The following TAF4 variants were observed in gnomAD, a reference collection of about 807,000 sequenced individuals.
TAF4 encodes transcription initiation factor TFIID subunit 4.
TAF4 carries 9 observed loss-of-function variants against 90.3 expected under a neutral mutation model. The observed-to-expected ratio is 0.10, with a 90% CI of 0.06 to 0.17. The LOEUF (loss-of-function observed/expected upper bound fraction) is 0.17. Among genes scored for constraint, TAF4 ranks in the 10% least tolerant of loss-of-function variants. TAF4 has a pLI of 1.00. For synonymous variants in TAF4, 818 were observed against 638.9 expected, an observed-to-expected ratio of 1.28 and a Z score of -4.23; for missense variants, 1,351 against 1,370.7, an observed-to-expected ratio of 0.99 and a Z score of 0.23.
intron 1 of TAF4, among the ~76,000 whole-genome samples, chr20:62,026,454 G>GA (rs1388454112): frequency 6.6e-6 from 1 of 152,142 alleles, no homozygotes; most frequent in Non-Finnish European, 1.5e-5. Context: ...TCAAGTCTCT[G>GA]AAAAATAACA....
At chr20:62,031,724 G>C (rs930655144) in intron 1 of TAF4, among the ~76,000 whole-genome samples, 1 of 151,906 alleles carries the variant, frequency 6.6e-6, no homozygotes, top group Admixed American at 6.6e-5. Context: ...CTTAGTCACC[G>C]TAAGTTCTTA....
At chr20:62,026,367 G>A (rs946412910) in intron 1 of TAF4, among the ~76,000 whole-genome samples, 1 of 152,194 alleles carries the variant, frequency 6.6e-6, no homozygotes, top group Non-Finnish European at 1.5e-5. Context: ...TTTTAACAGA[G>A]TATCTCACTG....
In TAF4 at chr20:62,064,918, G is replaced by T. The variant is rs1194605317; in HGVS notation, c.893C>A (p.Pro298Gln). 3.3e-5 allele frequency: 21 copies of T among 635,858 alleles called. No individual in the cohort carries two copies. In the South Asian group the frequency reaches 1.1e-3, roughly 33 times the overall value. The allele number at this position is 635,858 out of a possible 1,614,324, so 39.4% of individuals were successfully genotyped here. ...CCCGTTCTGGGCGGCGGCGGGGGGCGGCACGGCGGGCGCGGCGGTCGGGGG... is the reference window on the plus strand; with the variant it reads ...CCCGTTCTGGGCGGCGGCGGGGGGCTGCACGGCGGGCGCGGCGGTCGGGGG... ...AGPPTAAPAV[P>Q]PPAAAQNGGS... The change falls in exon 1 of 15, where the codon CCG (proline) becomes CAG (glutamine). Residue 298 changes from proline (P) to glutamine (Q), a missense_variant. Physicochemically the swap from Pro to Gln is moderately conservative, Grantham distance 76 (BLOSUM62 -1). This residue lies in a region of TAF4 where 782 missense variants were observed against 536.6 expected (regional missense o/e 1.46). Coordinates refer to ENST00000252996, the MANE Select transcript of TAF4 (RefSeq NM_003185.4).
rs890791197 is a variant in TAF4 at position 61,978,743 on chromosome 20, C to T, written c.3091-2408G>A. 5.3e-5 allele frequency among the ~76,000 whole-genome samples: 8 copies of T among 152,176 alleles called. 1 individual carries two copies. The highest frequency in any genetic ancestry group is 1.2e-4 in the Non-Finnish European group (8 of 68,024). On this transcript the variant is annotated intron_variant, in intron 14 of 14. Transcript: ENST00000252996. ...CGAGACCAACCAAGGCCAGACGGTGCCTCCTTGGGGCTGAGGCCACCCCCA... is the reference window on the plus strand; with the variant it reads ...CGAGACCAACCAAGGCCAGACGGTGTCTCCTTGGGGCTGAGGCCACCCCCA...
At chr20:62,025,562 C>T (rs6121871) in intron 1 of TAF4, among the ~76,000 whole-genome samples, 10,441 of 152,226 alleles carry the variant, frequency 0.069, 494 homozygotes, top group Non-Finnish European at 0.1. Context: ...TGAGTTCTCA[C>T]GACATCTGGT....
intron 14 of TAF4, among the ~76,000 whole-genome samples, chr20:61,988,038 G>A (rs958512650): frequency 3.9e-5 from 6 of 152,198 alleles, no homozygotes; most frequent in Non-Finnish European, 8.8e-5. Context: ...AATAAGATCC[G>A]TGGACCAGGG....
Position 62,065,131 on chromosome 20 carries a change from G to C in TAF4, c.680C>G (p.Pro227Arg), listed in dbSNP as rs527409295. Residue 227 changes from proline (P) to arginine (R), a missense_variant, in exon 1 of 15, where the codon CCG becomes CGG. By Grantham distance (103) the Pro-to-Arg change is moderately radical. Coordinates refer to ENST00000252996, the MANE Select transcript of TAF4 (RefSeq NM_003185.4). Reference protein sequence around the residue: ...LVNNGPAALLPLPKPAAPGTV... With the variant: ...LVNNGPAALLRLPKPAAPGTV... ...GCCGGGGGCGGCGGGCTTGGGCAGC[G>C]GCAGCAGCGCGGCGGGCCCGTTGTT... 8.5e-7 allele frequency: 1 copy of C among 1,174,182 alleles called. No homozygotes were observed. The allele number at this position is 1,174,182 out of a possible 1,614,324, so 72.7% of individuals were successfully genotyped here. A position where few individuals can be genotyped will look rare whatever the true frequency, so the allele number is the denominator to read the frequency against.
chr20:62,012,606 AAAAG>A, intron 3 of TAF4: 36 of 616,168 alleles, frequency 5.8e-5, no homozygotes, highest in South Asian at 2.1e-4. Flanking sequence ...GTGACTAAAA[AAAAG>A]AAAAAAGAAA....
At chr20:61,986,399 T>TCAAAGGAAACACCATCCCCAAC (rs1568922488) in intron 14 of TAF4, among the ~76,000 whole-genome samples, 4 of 65,550 alleles carry the variant, frequency 6.1e-5, no homozygotes, top group Admixed American at 1.5e-4. Flanking sequence ...CCATCCCCAA[T>TCAAAGGAAACACCATCCCCAAC]CAAAGGAAAC....
chr20:62,059,875 G>A (rs772818635), intron 1 of TAF4, among the ~76,000 whole-genome samples: 1 of 152,216 alleles, frequency 6.6e-6, no homozygotes, highest in Non-Finnish European at 1.5e-5. Context: ...TGCTAATTAT[G>A]CTTTGATCAA....
At chr20:62,015,342 GA>G (rs2055806531) in intron 1 of TAF4, among the ~76,000 whole-genome samples, 1 of 152,232 alleles carries the variant, frequency 6.6e-6, no homozygotes, top group African/African-American at 2.4e-5. Flanking sequence ...TAAACCACAG[GA>G]AAGCAAATCC....
At chr20:62,002,011 G>A (rs973493321) in intron 9 of TAF4, among the ~76,000 whole-genome samples, 20 of 152,176 alleles carry the variant, frequency 1.3e-4, no homozygotes, top group Non-Finnish European at 2.1e-4. Flanking sequence ...CATGCCTGCC[G>A]ACACACTGAA....
chr20:62,063,265 C>T (rs1346198580), intron 1 of TAF4, among the ~76,000 whole-genome samples: 1 of 152,222 alleles, frequency 6.6e-6, no homozygotes, highest in African/African-American at 2.4e-5. Context: ...AATCCTTTCA[C>T]TTCTGAAGAT....
intron 2 of TAF4, 84 bp downstream of exon 2, chr20:62,014,463 G>T: frequency 7.6e-6 from 11 of 1,454,180 alleles, no homozygotes; most frequent in Non-Finnish European, 1.0e-5. Context: ...GGCTGTGCCT[G>T]GCCCTTGCAG....
At chr20:62,053,085 TGAG>T (rs1445331213) in intron 1 of TAF4, among the ~76,000 whole-genome samples, 1 of 152,036 alleles carries the variant, frequency 6.6e-6, no homozygotes, top group Non-Finnish European at 1.5e-5. Flanking sequence ...TCCAAGGCAC[TGAG>T]GAGATGCCAT....
rs2055750330 is a variant in TAF4, at chr20:62,006,997, G to C, written c.1975-239C>G. 1 of 444,390 alleles carries C rather than the reference G, an allele frequency of 2.3e-6. No homozygotes were observed. The highest frequency in any genetic ancestry group is 2.0e-5 in the African/African-American group (1 of 49,404). The allele number at this position is 444,390 out of a possible 1,614,324, so 27.5% of individuals were successfully genotyped here. On this transcript the variant is annotated intron_variant, in intron 6 of 14. Transcript: ENST00000252996. This position sits in a 1 kb window ranked among gnomAD's most constrained non-coding sequence, Gnocchi z 7.0. ...GTGTTCAAGAAAACAAACAAAAAGA[G>C]ACATATTTTTAAAAAACTTTTTAAA...
chr20:62,062,292 T>C (rs547931753), intron 1 of TAF4, among the ~76,000 whole-genome samples: 11 of 152,356 alleles, frequency 7.2e-5, no homozygotes, highest in Admixed American at 5.2e-4. Flanking sequence ...ATCAATCGAT[T>C]ACAGGAAGTA....
chr20:62,027,624 T>C lies in TAF4; in HGVS notation c.1361-12917A>G, dbSNP rs77164901. 1.2e-4 allele frequency among the ~76,000 whole-genome samples: 19 copies of C among 152,342 alleles called. No homozygotes were observed. The East Asian group carries it at 2.5e-3, about 20-fold the overall frequency. ...CCTGCCAACCACAAAACCATACTAC[T>C]GGAACTGTGTCAAATTTATCCATTT... On this transcript the variant is annotated intron_variant, in intron 1 of 14. Coordinates refer to ENST00000252996, the MANE Select transcript of TAF4 (RefSeq NM_003185.4).
chr20:62,003,535 A>G (rs560583373), intron 8 of TAF4, among the ~76,000 whole-genome samples, 196 bp downstream of exon 8: 2 of 152,390 alleles, frequency 1.3e-5, no homozygotes, highest in South Asian at 2.1e-4. Context: ...TGGAAAATAC[A>G]TAAAATTAAA....
Sources: gnomAD v4.1 joint callset for allele counts (sites outside exome capture counted in the v4.1 genomes callset) on GRCh38, gnomAD v4.1.1 for gene constraint, gnomAD v4.1.1 regional missense constraint, Gnocchi (gnomAD v3.1) non-coding constraint, MANE v1.5 for transcripts, NCBI Gene and HGNC (gene_info 2026-07-23, HGNC 2026-07-21) for gene names.